ROBO2: variants seen among roughly 807,000 people sequenced by gnomAD.
The protein encoded by ROBO2 is roundabout homolog 2.
ROBO2 carries 53 observed loss-of-function variants against 160.8 expected under a neutral mutation model. The ratio of observed to expected loss-of-function variants is 0.33; its 90% CI spans 0.26 to 0.41. The LOEUF (loss-of-function observed/expected upper bound fraction) is 0.41, where lower values mean the gene tolerates loss of function less well. Among genes scored for constraint, ROBO2 ranks in the 10% least tolerant of loss-of-function variants. The pLI, the probability that ROBO2 is intolerant of heterozygous loss-of-function variation, is 1.00. For missense variants in ROBO2, 1,577 were observed against 1,722.4 expected, an observed-to-expected ratio of 0.92 and a Z score of 1.49; for synonymous variants, 664 against 611.7, an observed-to-expected ratio of 1.09 and a Z score of -1.26.
chr3:77,094,212 C>T (rs1158520966), intron 1 of ROBO2, among the ~76,000 whole-genome samples: 1 of 152,146 alleles, frequency 6.6e-6, no homozygotes, highest in Non-Finnish European at 1.5e-5. Flanking sequence ...CGTGGATTTT[C>T]CTTCTCTGGA....
chr3:76,478,185 C>A lies in ROBO2; in HGVS notation c.109+540583C>A, dbSNP rs192042222. Reference sequence around the variant, plus strand: ...AATGCTATCCCTCCCCCCTCCCCCCCACCCCACAACAGTCCCCAGAGTGTG... The same window carrying A: ...AATGCTATCCCTCCCCCCTCCCCCCAACCCCACAACAGTCCCCAGAGTGTG... On this transcript the variant is annotated intron_variant, in intron 2 of 26. Transcript: ENST00000487694. Among the ~76,000 whole-genome samples the A allele has an allele frequency of 1.1e-3, 141 of 127,366 alleles. No individual in the cohort carries two copies. In the East Asian group the frequency reaches 0.023, roughly 20 times the overall value. The allele number at this position is 127,366 out of a possible 152,430, so 83.6% of individuals were successfully genotyped here. A position where few individuals can be genotyped will look rare whatever the true frequency, so the allele number is the denominator to read the frequency against.
intron 2 of ROBO2, among the ~76,000 whole-genome samples, chr3:77,133,580 C>G (rs189851162): frequency 3.3e-5 from 5 of 151,146 alleles, no homozygotes; most frequent in African/African-American, 9.8e-5. Flanking sequence ...GGCAAAGAAA[C>G]AGCAATTTAG....
intron 2 of ROBO2, among the ~76,000 whole-genome samples, chr3:76,867,312 T>C (rs2071484978): frequency 6.6e-6 from 1 of 152,184 alleles, no homozygotes; most frequent in Non-Finnish European, 1.5e-5. Context: ...ACTTACACAT[T>C]ATATGCCAGT....
chr3:76,002,274 T>G (rs1231765493), intron 2 of ROBO2, among the ~76,000 whole-genome samples: 1 of 152,088 alleles, frequency 6.6e-6, no homozygotes, highest in East Asian at 1.9e-4. Flanking sequence ...GAGAAGATGA[T>G]GTGAAGATAC....
intron 2 of ROBO2, among the ~76,000 whole-genome samples, chr3:76,197,644 G>T (rs1349356344): frequency 1.3e-5 from 2 of 152,116 alleles, no homozygotes; most frequent in Non-Finnish European, 2.9e-5. Flanking sequence ...AGTAGTGAAG[G>T]TATTTTTTTA....
intron 7 of ROBO2, 46 bp from the exon 9 acceptor site, chr3:77,550,772 T>A: frequency 6.2e-7 from 1 of 1,601,390 alleles, no homozygotes; most frequent in Non-Finnish European, 8.6e-7. Flanking sequence ...ACATAATTTT[T>A]TTAAGTGGAA....
At chr3:77,506,044 A>C (rs2088469813) in intron 5 of ROBO2, among the ~76,000 whole-genome samples, 1 of 152,182 alleles carries the variant, frequency 6.6e-6, no homozygotes, top group Non-Finnish European at 1.5e-5. Flanking sequence ...GGTTAGAGAC[A>C]GTGAAAAACA....
At position 77,008,825 on chromosome 3, in the gene ROBO2, C is replaced by T. The variant is rs574028716; in HGVS notation, c.110-89189C>T. On this transcript the variant is annotated intron_variant, in intron 2 of 26. Transcript: ENST00000487694. ...AAAACTTAACGGGCCTGAATGAGAA[C>T]ACTTCATGAAAGCAGAGAATTTGTT... 2.0e-5 allele frequency among the ~76,000 whole-genome samples: 3 copies of T among 152,266 alleles called. No individual in the cohort carries two copies. The East Asian group carries it at 5.8e-4, about 29-fold the overall frequency.
chr3:76,433,608 ATTGTAT>A (rs2076535444), intron 2 of ROBO2, among the ~76,000 whole-genome samples: 1 of 152,204 alleles, frequency 6.6e-6, no homozygotes, highest in Non-Finnish European at 1.5e-5. Context: ...TACTCATTAA[ATTGTAT>A]TTGTACGTGG....
At chr3:76,504,062 T>A (rs1025028580) in intron 2 of ROBO2, among the ~76,000 whole-genome samples, 5 of 152,250 alleles carry the variant, frequency 3.3e-5, no homozygotes, top group Admixed American at 1.3e-4. Flanking sequence ...GTCCTTTTTT[T>A]ATATCATTTT....
chr3:76,780,300 A>T (rs1172440603), intron 2 of ROBO2, among the ~76,000 whole-genome samples: 1 of 150,116 alleles, frequency 6.7e-6, no homozygotes, highest in Non-Finnish European at 1.5e-5. Context: ...ATTCAATTGT[A>T]TCAATCCCTT....
At chr3:76,339,259 C>T (rs983108115) in intron 2 of ROBO2, among the ~76,000 whole-genome samples, 2 of 152,056 alleles carry the variant, frequency 1.3e-5, no homozygotes, top group African/African-American at 4.8e-5. Flanking sequence ...ATTGTGTGTA[C>T]TTGTAAATAC....
At position 77,049,970 on chromosome 3, in the gene ROBO2, A is replaced by G. The variant is rs568682125; in HGVS notation, c.61+9124A>G. 5.3e-5 allele frequency among the ~76,000 whole-genome samples: 8 copies of G among 152,356 alleles called. No homozygotes were observed. The East Asian group carries it at 5.8e-4, about 11-fold the overall frequency. On this transcript the variant is annotated intron_variant, in intron 1 of 25. Coordinates refer to ENST00000461745, the Ensembl canonical transcript of ROBO2. ...AAACTTGAGTTAAGAGTTATTCATT[A>G]TAAAGGAAAGTTTATAAGTTTTTAT...
At chr3:75,926,348 A>G (rs145509354) in intron 1 of ROBO2, among the ~76,000 whole-genome samples, 1 of 152,196 alleles carries the variant, frequency 6.6e-6, no homozygotes, top group Non-Finnish European at 1.5e-5. Context: ...TCACCCAGGT[A>G]TTAAGCCTAA....
chr3:76,831,212 G>T (rs2067065813), intron 2 of ROBO2, among the ~76,000 whole-genome samples: 1 of 151,954 alleles, frequency 6.6e-6, no homozygotes, highest in Non-Finnish European at 1.5e-5. Context: ...TATCCTGATG[G>T]GTCCATACGA....
intron 17 of ROBO2, among the ~76,000 whole-genome samples, chr3:77,593,515 G>A (rs1217826651): frequency 6.6e-6 from 1 of 152,084 alleles, no homozygotes; most frequent in Non-Finnish European, 1.5e-5. Flanking sequence ...GGATTGTTTT[G>A]CAATGCATTT....
chr3:76,892,836 C>G (rs1329974900), intron 2 of ROBO2, among the ~76,000 whole-genome samples: 1 of 152,206 alleles, frequency 6.6e-6, no homozygotes, highest in Non-Finnish European at 1.5e-5. Flanking sequence ...CCTTCTCTAT[C>G]CTCCTCAAAC....
At chr3:76,545,811 A>G (rs1417404429) in intron 2 of ROBO2, among the ~76,000 whole-genome samples, 2 of 151,924 alleles carry the variant, frequency 1.3e-5, no homozygotes, top group Non-Finnish European at 2.9e-5. Context: ...GCCTAATTCT[A>G]TCTAACATAT....
At chr3:77,151,657 A>G (rs547930689) in intron 2 of ROBO2, among the ~76,000 whole-genome samples, 31 of 152,278 alleles carry the variant, frequency 2.0e-4, no homozygotes, top group African/African-American at 6.5e-4. Context: ...ATTTTCTTTC[A>G]TAGTCATTTA....
Sources: allele counts gnomAD v4.1 joint callset (sites outside exome capture counted in the v4.1 genomes callset), GRCh38; gene constraint gnomAD v4.1.1; transcripts MANE v1.5; gene names NCBI Gene and HGNC (gene_info 2026-07-23, HGNC 2026-07-21).